NCOR2: variants seen among roughly 807,000 people sequenced by gnomAD.
NCOR2 encodes CTG repeat protein 26.
A neutral mutation model predicts 262.9 loss-of-function variants in NCOR2; 81 were observed. The observed-to-expected ratio is 0.31, with a 90% CI of 0.26 to 0.37. The LOEUF (loss-of-function observed/expected upper bound fraction) is 0.37, where lower values mean the gene tolerates loss of function less well. NCOR2 is among the 10% of genes least tolerant of loss of function. NCOR2 has a pLI of 1.00. For missense variants in NCOR2, 3,385 were observed against 3,621.4 expected (o/e 0.93, Z 1.68); for synonymous variants, 1,659 against 1,559.3 (o/e 1.06, Z -1.51).
At chr12:124,501,416 G>T (rs2048728181) in intron 1 of NCOR2, among the ~76,000 whole-genome samples, 1 of 152,082 alleles carries the variant, frequency 6.6e-6, no homozygotes, top group Admixed American at 6.5e-5. Flanking sequence ...TCAAGCAACA[G>T]AAATGGATTG....
chr12:124,452,256 T>C (rs2045592930), intron 6 of NCOR2, among the ~76,000 whole-genome samples: 2 of 152,172 alleles, frequency 1.3e-5, no homozygotes, highest in African/African-American at 2.4e-5. Flanking sequence ...GTCTCAGGAA[T>C]GGCAAGGGGC....
chr12:124,499,603 G>A (rs919551767), upstream of NCOR2, among the ~76,000 whole-genome samples: 3 of 152,330 alleles, frequency 2.0e-5, no homozygotes, highest in South Asian at 4.1e-4. Context: ...GTGAGCCCCC[G>A]CCAGGCGGTG....
intron 1 of NCOR2, among the ~76,000 whole-genome samples, chr12:124,563,679 G>A (rs930089051): frequency 6.6e-5 from 10 of 152,366 alleles, no homozygotes; most frequent in Non-Finnish European, 8.8e-5. Flanking sequence ...CAGCAGTGTC[G>A]CCAAGGCGAA....
At chr12:124,359,545 C>G (rs2038344186) in intron 22 of NCOR2, among the ~76,000 whole-genome samples, 1 of 152,210 alleles carries the variant, frequency 6.6e-6, no homozygotes, top group South Asian at 2.1e-4. Context: ...TTAACCAGTC[C>G]CCAGTGGAGG....
At chr12:124,383,512 G>T in intron 17 of NCOR2, 1 of 890,600 alleles carries the variant, frequency 1.1e-6, no homozygotes, top group Non-Finnish European at 1.4e-6. Flanking sequence ...AAATCTCCTA[G>T]TCTAATAAAA....
At chr12:124,453,526 G>A (rs2045671537) in intron 6 of NCOR2, among the ~76,000 whole-genome samples, 1 of 152,222 alleles carries the variant, frequency 6.6e-6, no homozygotes, top group Non-Finnish European at 1.5e-5. Flanking sequence ...GCAGAGATGA[G>A]GCATGGTGGT....
At chr12:124,491,046 C>T (rs764146257) in intron 1 of NCOR2, among the ~76,000 whole-genome samples, 12 of 152,216 alleles carry the variant, frequency 7.9e-5, no homozygotes, top group Non-Finnish European at 1.2e-4. Flanking sequence ...AAGGCAGCAG[C>T]GTCCAGTGTC....
chr12:124,453,299 T>C (rs1470755745), intron 6 of NCOR2, among the ~76,000 whole-genome samples: 1 of 152,094 alleles, frequency 6.6e-6, no homozygotes, highest in Non-Finnish European at 1.5e-5. Flanking sequence ...CCCCAGGCCT[T>C]ATCCTCCCGG....
rs1216727496 is a variant in NCOR2 at position 124,462,778 on chromosome 12, C to T, written c.705+3395G>A. On this transcript the variant is annotated intron_variant, in intron 5 of 46. Coordinates refer to ENST00000405201, the Ensembl canonical transcript of NCOR2. ...GGCTCTACTGAATGCTTCACGTTCA[C>T]GGTGACTGTTAATGGTATTATTCTT... Among the ~76,000 whole-genome samples the T allele has an allele frequency of 7.2e-5, 11 of 152,362 alleles. No homozygotes were observed. The East Asian group carries it at 1.9e-3, about 27-fold the overall frequency.
intron 16 of NCOR2, among the ~76,000 whole-genome samples, chr12:124,397,913 C>T (rs943796577): frequency 6.6e-5 from 10 of 152,242 alleles, no homozygotes; most frequent in Admixed American, 1.3e-4. Flanking sequence ...AGCCTGACAG[C>T]GCAGCTGCAC....
intron 1 of NCOR2, among the ~76,000 whole-genome samples, chr12:124,560,968 GTCATA>G (rs1159212685): frequency 6.6e-6 from 1 of 152,190 alleles, no homozygotes; most frequent in Non-Finnish European, 1.5e-5. Flanking sequence ...GATGTATTAA[GTCATA>G]TCATAACAAA....
At chr12:124,496,105 A>G (rs2048365970), upstream of NCOR2, among the ~76,000 whole-genome samples, 1 of 152,030 alleles carries the variant, frequency 6.6e-6, no homozygotes, top group African/African-American at 2.4e-5. This position sits in a 1 kb window ranked among gnomAD's most constrained non-coding sequence, Gnocchi z 4.4. Flanking sequence ...CGCCAGAGGA[A>G]TAACACGAAG....
rs369185314 is a variant in NCOR2, at chr12:124,449,560, C to T, written c.815+255G>A. On this transcript the variant is annotated intron_variant, in intron 7 of 46. Coordinates refer to ENST00000405201, the Ensembl canonical transcript of NCOR2. Reference sequence around the variant, plus strand: ...CTCCGTCTCTCCAGACCCACCTGTGCACCAGCAGCTCCCTCGCCCACCCTC... The same window carrying T: ...CTCCGTCTCTCCAGACCCACCTGTGTACCAGCAGCTCCCTCGCCCACCCTC... Among the ~76,000 whole-genome samples the T allele has an allele frequency of 5.3e-5, 8 of 152,336 alleles. No homozygotes were observed. The South Asian group carries it at 1.4e-3, about 28-fold the overall frequency.
chr12:124,326,405 G>A, intron 45 of NCOR2, 35 bp from the exon 48 acceptor site: 1 of 1,466,554 alleles, frequency 6.8e-7, no homozygotes, highest in Admixed American at 2.4e-5. Context: ...GGCTGCGTTG[G>A]GCAGTGAAGA....
At chr12:124,473,568 A>G (rs891877374) in intron 3 of NCOR2, among the ~76,000 whole-genome samples, 13 of 151,566 alleles carry the variant, frequency 8.6e-5, no homozygotes, top group African/African-American at 2.7e-4. Flanking sequence ...CTCCTTAATA[A>G]ACTCCCCTTT....
chr12:124,357,373 T>C (rs2038033204), intron 22 of NCOR2, among the ~76,000 whole-genome samples: 1 of 152,206 alleles, frequency 6.6e-6, no homozygotes, highest in Admixed American at 6.5e-5. Context: ...AGGCTTGTCT[T>C]GAACTCTTGG....
At chr12:124,466,116 T>TGTGAAGCGCCTCATGGCCAGCACCGG in intron 5 of NCOR2, 57 bp downstream of exon 7, 1 of 1,497,908 alleles carries the variant, frequency 6.7e-7, no homozygotes, top group Non-Finnish European at 9.1e-7. Context: ...TGGTGCCCCC[T>TGTGAAGCGCCTCATGGCCAGCACCGG]GTGAAGCGCC....
intron 42 of NCOR2, 37 bp downstream of exon 44, chr12:124,333,093 A>G (rs2035361806): frequency 4.5e-6 from 7 of 1,559,590 alleles, no homozygotes; most frequent in Middle Eastern, 3.5e-4. Context: ...GGGATACCAG[A>G]GCATCCCGGG....
At chr12:124,400,256 G>A (rs1356928372) in intron 15 of NCOR2, among the ~76,000 whole-genome samples, 4 of 152,044 alleles carry the variant, frequency 2.6e-5, no homozygotes, top group East Asian at 3.9e-4. Flanking sequence ...GTCCCCCCAC[G>A]TTAGAGGTAA....
Sources: allele counts gnomAD v4.1 joint callset (sites outside exome capture counted in the v4.1 genomes callset), GRCh38; gene constraint gnomAD v4.1.1; non-coding constraint Gnocchi (gnomAD v3.1); transcripts MANE v1.5; gene names NCBI Gene and HGNC (gene_info 2026-07-23, HGNC 2026-07-21).